Variants in SMCO2 observed in about 807,000 individuals in gnomAD.
SMCO2 encodes the protein single-pass membrane and coiled-coil domain-containing protein 2.
Under a neutral mutation model 29.5 loss-of-function variants are expected in SMCO2, and 25 were observed. The observed-to-expected ratio is 0.85, with a 90% CI of 0.62 to 1.18. SMCO2 has a LOEUF of 1.18. Among genes scored for constraint, SMCO2 ranks in the 50% most tolerant of loss-of-function variants. The pLI, the probability that SMCO2 is intolerant of heterozygous loss-of-function variation, is 0.00. For missense variants in SMCO2, 348 were observed against 344.5 expected (o/e 1.01, Z -0.08); for synonymous variants, 117 against 123.3 (o/e 0.95, Z 0.34).
At chr12:27,474,680 A>T in intron 3 of SMCO2, 106 bp from the exon 4 acceptor site, 1 of 1,283,644 alleles carries the variant, frequency 7.8e-7, no homozygotes, top group Non-Finnish European at 1.1e-6. Context: ...CTCAGAGAGG[A>T]CTATGTGCTT....
At position 27,473,588 on chromosome 12, in the gene SMCO2, A is replaced by G. The variant is rs143324627; in HGVS notation, c.234+713A>G. ...TTGGGACCACCACTTAACTCTCTAT[A>G]CTCTATGACCTTGGGCAAGTCACTA... On this transcript the variant is annotated intron_variant, in intron 3 of 7. Coordinates refer to ENST00000298876, the Ensembl canonical transcript of SMCO2. Among the ~76,000 whole-genome samples the G allele has an allele frequency of 3.6e-4, 55 of 152,198 alleles. 2 individuals are homozygous for G. The highest frequency in any genetic ancestry group is 1.2e-3 in the African/African-American group (49 of 41,510).
chr12:27,443,562 G>A, the SMCO2 span, among the ~76,000 whole-genome samples: 13 of 152,268 alleles, frequency 8.5e-5, 1 homozygote, highest in East Asian at 2.3e-3. Context: ...AAACTGGAAA[G>A]GAAGAAGTCA....
At chr12:27,459,003 C>T in the SMCO2 span, among the ~76,000 whole-genome samples, 4 of 150,836 alleles carry the variant, frequency 2.7e-5, no homozygotes, top group Non-Finnish European at 4.4e-5. Flanking sequence ...CTGGCTAACA[C>T]GGTGAAACCC....
intron 5 of SMCO2, among the ~76,000 whole-genome samples, chr12:27,491,516 C>G (rs1254859769): frequency 6.6e-6 from 1 of 152,060 alleles, no homozygotes; most frequent in Admixed American, 6.5e-5. Flanking sequence ...TTAAACCACC[C>G]AATTCAGGGA....
intron 7 of SMCO2, among the ~76,000 whole-genome samples, chr12:27,500,379 AC>A (rs1943062060): frequency 6.6e-6 from 1 of 150,578 alleles, no homozygotes; most frequent in South Asian, 2.1e-4. Flanking sequence ...AAAAACTAAG[AC>A]AAAATAAAAA....
At chr12:27,466,128 A>T (rs1197429928), upstream of SMCO2, among the ~76,000 whole-genome samples, 1 of 152,228 alleles carries the variant, frequency 6.6e-6, no homozygotes, top group East Asian at 1.9e-4. Flanking sequence ...TTGCAAGAAG[A>T]TCAAATGCTT....
chr12:27,485,092 A>G (rs1949677589), intron 4 of SMCO2, among the ~76,000 whole-genome samples: 1 of 151,528 alleles, frequency 6.6e-6, no homozygotes, highest in African/African-American at 2.4e-5. Flanking sequence ...AGGCCACTTT[A>G]GGTTGTCTCA....
At chr12:27,428,696 G>A in the SMCO2 span, among the ~76,000 whole-genome samples, 1 of 151,676 alleles carries the variant, frequency 6.6e-6, no homozygotes, top group African/African-American at 2.4e-5. Flanking sequence ...GCCTTGGAAT[G>A]ACAGTTTCTT....
At chr12:27,441,174 G>A in the SMCO2 span, among the ~76,000 whole-genome samples, 19 of 152,250 alleles carry the variant, frequency 1.2e-4, no homozygotes, top group Non-Finnish European at 2.1e-4. Flanking sequence ...TTGGAGAATC[G>A]CCTGAGCCCA....
the SMCO2 span, among the ~76,000 whole-genome samples, chr12:27,434,654 A>G: frequency 6.6e-6 from 1 of 152,244 alleles, no homozygotes; most frequent in African/African-American, 2.4e-5. Context: ...ATTTAAAAAA[A>G]CAAGAAGAAA....
chr12:27,473,952 C>T lies in SMCO2; in HGVS notation c.235-834C>T, dbSNP rs150757702. Among the ~76,000 whole-genome samples, 477 of 152,186 alleles carry T rather than the reference C, an allele frequency of 3.1e-3. 6 individuals carry two copies. The highest frequency in any genetic ancestry group is 0.011 in the African/African-American group (456 of 41,530). On this transcript the variant is annotated intron_variant, in intron 3 of 7. Transcript: ENST00000298876. Reference sequence around the variant, plus strand: ...TCTTGGATGCTTTTCTAGAACATGGCAAAGAATACAGAAACAAAAAAGTAA... The same window carrying T: ...TCTTGGATGCTTTTCTAGAACATGGTAAAGAATACAGAAACAAAAAAGTAA...
At chr12:27,487,931 G>C (rs955030256) in intron 4 of SMCO2, among the ~76,000 whole-genome samples, 1 of 146,086 alleles carries the variant, frequency 6.8e-6, no homozygotes, top group Admixed American at 6.8e-5. Context: ...TAATTGGATA[G>C]GTTTTTTTTT....
chr12:27,465,093 T>C (rs896779800), upstream of SMCO2, among the ~76,000 whole-genome samples: 5 of 150,500 alleles, frequency 3.3e-5, no homozygotes, highest in Admixed American at 2.6e-4. Flanking sequence ...AGAAAAGAAT[T>C]TGGCCGAGTA....
chr12:27,426,686 C>T, the SMCO2 span, among the ~76,000 whole-genome samples: 1 of 152,190 alleles, frequency 6.6e-6, no homozygotes, highest in East Asian at 1.9e-4. Context: ...TAAAAAATTC[C>T]TGAGACTATA....
intron 4 of SMCO2, among the ~76,000 whole-genome samples, chr12:27,477,209 GGTTTTT>G (rs1370842299): frequency 0.066 from 8,817 of 133,900 alleles, 435 homozygotes; most frequent in African/African-American, 0.14. Flanking sequence ...TTGGCTGTCA[GGTTTTT>G]TTTTTTTTTT....
chr12:27,480,200 G>A (rs1949629807), intron 4 of SMCO2, among the ~76,000 whole-genome samples: 1 of 152,228 alleles, frequency 6.6e-6, no homozygotes, highest in African/African-American at 2.4e-5. Flanking sequence ...CAGCAAACAA[G>A]CTGCTTCTTC....
intron 5 of SMCO2, among the ~76,000 whole-genome samples, chr12:27,492,780 C>A (rs116844395): frequency 0.023 from 3,437 of 152,156 alleles, 62 homozygotes; most frequent in Middle Eastern, 0.037. Flanking sequence ...ATGGCGATTC[C>A]TCAAAGAGCT....
the SMCO2 span, among the ~76,000 whole-genome samples, chr12:27,427,394 AAC>A: frequency 1.1e-4 from 16 of 152,162 alleles, no homozygotes; most frequent in Admixed American, 2.0e-4. Context: ...ACACTTTGAG[AAC>A]CGCTGATCTT....
rs905283957 is a variant in SMCO2 at position 27,488,625 on chromosome 12, T to G, written c.450+78T>G. 3.3e-5 allele frequency: 36 copies of G among 1,075,678 alleles called. No homozygotes were observed. In the East Asian group the frequency reaches 1.1e-3, roughly 32 times the overall value. 66.6% of individuals were successfully genotyped at this position (1,075,678 alleles called of 1,614,324 possible). On this transcript the variant is annotated intron_variant, in intron 5 of 7. Transcript: ENST00000298876. The stretch of plus-strand genomic sequence containing the variant: ...TTCCCTACTACCTTTCTATTGTTAA[T>G]AGGCAATAACAAGAAGTAAGACTCA...
Sources: gnomAD v4.1 joint callset for allele counts (sites outside exome capture counted in the v4.1 genomes callset) on GRCh38, gnomAD v4.1.1 for gene constraint, MANE v1.5 for transcripts, NCBI Gene and HGNC (gene_info 2026-07-23, HGNC 2026-07-21) for gene names.